Variants in CSMD3 observed in about 807,000 individuals in gnomAD.
The protein encoded by CSMD3 is CUB and Sushi multiple domains 3.
Under a neutral mutation model 435.2 loss-of-function variants are expected in CSMD3, and 177 were observed. The ratio of observed to expected loss-of-function variants is 0.41; its 90% CI spans 0.36 to 0.46. The LOEUF (loss-of-function observed/expected upper bound fraction) is 0.46, where lower values mean the gene tolerates loss of function less well. Among genes scored for constraint, CSMD3 ranks in the 20% least tolerant of loss-of-function variants. The probability of loss-of-function intolerance (pLI) is 0.34; values close to 1 mark genes in which losing one functional copy is unlikely to be tolerated. For missense variants in CSMD3, 4,265 were observed against 4,504.6 expected (o/e 0.95, Z 1.52); for synonymous variants, 1,656 against 1,520.5 (o/e 1.09, Z -2.07).
intron 32 of CSMD3, among the ~76,000 whole-genome samples, chr8:112,470,395 T>C (rs1019019360): frequency 1.3e-5 from 2 of 152,166 alleles, no homozygotes; most frequent in African/African-American, 2.4e-5. Context: ...TGTGACTTAC[T>C]ATGTTATTAC....
chr8:113,349,877 C>T (rs1259477446), intron 1 of CSMD3, among the ~76,000 whole-genome samples: 1 of 151,846 alleles, frequency 6.6e-6, no homozygotes, highest in African/African-American at 2.4e-5. Context: ...AATCTATTTC[C>T]CCTTCTTGAA....
intron 6 of CSMD3, among the ~76,000 whole-genome samples, chr8:112,996,133 T>C (rs1165649657): frequency 6.6e-6 from 1 of 151,464 alleles, no homozygotes; most frequent in African/African-American, 2.4e-5. Context: ...AAATCTACTT[T>C]CTTAGCAATT....
chr8:112,436,169 T>C (rs892587104), intron 32 of CSMD3, among the ~76,000 whole-genome samples: 3 of 151,866 alleles, frequency 2.0e-5, no homozygotes, highest in African/African-American at 7.2e-5. Flanking sequence ...ACCTAAGAAA[T>C]CTAAATTTTA....
At chr8:112,937,413 C>T (rs1014219483) in intron 9 of CSMD3, among the ~76,000 whole-genome samples, 12 of 149,084 alleles carry the variant, frequency 8.0e-5, no homozygotes, top group Admixed American at 3.4e-4. Context: ...TGCAGTGGCA[C>T]GATCTTGGCT....
intron 6 of CSMD3, among the ~76,000 whole-genome samples, chr8:113,008,954 A>T (rs1429320535): frequency 6.6e-6 from 1 of 151,522 alleles, no homozygotes; most frequent in Non-Finnish European, 1.5e-5. Flanking sequence ...AAGACTTAAT[A>T]TGAAAAATAA....
At chr8:112,255,174 A>C in intron 62 of CSMD3, 80 bp downstream of exon 62, 1 of 1,197,856 alleles carries the variant, frequency 8.3e-7, no homozygotes, top group Non-Finnish European at 1.2e-6. Context: ...ACTATAGGTT[A>C]TAGGATAAAG....
intron 4 of CSMD3, among the ~76,000 whole-genome samples, chr8:113,122,902 T>C (rs370302740): frequency 1.2e-4 from 19 of 152,150 alleles, no homozygotes; most frequent in Middle Eastern, 3.4e-3. Context: ...CTTAATTATT[T>C]TGAAATATTG....
At chr8:113,099,720 G>T (rs2090274897) in intron 4 of CSMD3, among the ~76,000 whole-genome samples, 1 of 152,028 alleles carries the variant, frequency 6.6e-6, no homozygotes, top group Non-Finnish European at 1.5e-5. Context: ...ACTTTTGGCT[G>T]ATGGTAGGAA....
intron 3 of CSMD3, among the ~76,000 whole-genome samples, chr8:113,278,192 T>C (rs907082391): frequency 6.6e-6 from 1 of 151,846 alleles, no homozygotes; most frequent in Non-Finnish European, 1.5e-5. Context: ...ATGTCAACTC[T>C]TGTCTCTTTC....
intron 31 of CSMD3, 50 bp downstream of exon 31, chr8:112,492,439 T>A (rs1820788950): frequency 7.0e-7 from 1 of 1,422,050 alleles, no homozygotes; most frequent in Non-Finnish European, 9.9e-7. Flanking sequence ...TTTAAATATT[T>A]TTTGATTTTT....
intron 22 of CSMD3, among the ~76,000 whole-genome samples, 183 bp downstream of exon 22, chr8:112,636,634 T>C (rs906891655): frequency 1.3e-5 from 2 of 152,082 alleles, no homozygotes; most frequent in African/African-American, 4.8e-5. Context: ...GCATGGTTTC[T>C]TGAATGGAGC....
intron 24 of CSMD3, among the ~76,000 whole-genome samples, chr8:112,571,846 G>A (rs2131293844): frequency 6.7e-6 from 1 of 149,614 alleles, no homozygotes; most frequent in Non-Finnish European, 1.5e-5. Flanking sequence ...TCCGGCCTGG[G>A]CAACAAGACT....
chr8:112,829,652 A>C (rs750098053), intron 12 of CSMD3, 34 bp downstream of exon 12: 7 of 1,248,786 alleles, frequency 5.6e-6, no homozygotes, highest in Non-Finnish European at 1.2e-6. Flanking sequence ...AGTACCCGAT[A>C]GGCTAAGGCA....
At chr8:112,264,017 T>C (rs561136560) in intron 60 of CSMD3, among the ~76,000 whole-genome samples, 76 of 152,268 alleles carry the variant, frequency 5.0e-4, no homozygotes, top group African/African-American at 1.4e-3. Flanking sequence ...CTTGGCAACA[T>C]AATGGCTACT....
rs773794441 is a variant in CSMD3 at position 112,318,834 on chromosome 8, T to C, written c.7360+3A>G. On this transcript the variant is annotated splice_donor_region_variant and intron_variant, in intron 47 of 70. Transcript: ENST00000297405. ...ATAAATAATCATAGGAACCATTGAA[T>C]ACCTTGACAAACTGGAGGTGCTCCA... 6.3e-7 allele frequency: 1 copy of C among 1,592,642 alleles called. No homozygotes were observed.
chr8:112,689,023 A>T (rs1792467820), intron 14 of CSMD3, among the ~76,000 whole-genome samples: 1 of 152,104 alleles, frequency 6.6e-6, no homozygotes, highest in Non-Finnish European at 1.5e-5. Context: ...TTGAAGTATT[A>T]CTAAGCTTTG....
At chr8:113,427,854 A>G (rs1348125349) in intron 1 of CSMD3, among the ~76,000 whole-genome samples, 1 of 151,618 alleles carries the variant, frequency 6.6e-6, no homozygotes, top group African/African-American at 2.4e-5. Context: ...AAGTAAAACA[A>G]TTTTATTTTT....
chr8:112,895,469 G>GA (rs2081924268), intron 10 of CSMD3, among the ~76,000 whole-genome samples: 1 of 151,128 alleles, frequency 6.6e-6, no homozygotes. Flanking sequence ...GGAAAAACAA[G>GA]AAAAATGATC....
rs1023419305 is a variant in CSMD3 at position 112,380,409 on chromosome 8, G to A, written c.6079C>T (p.Leu2027=). ...LLNSTSNNLY[L]NFQSDISVSA... ...ACACTGATGTCTGATTGAAAATTTAGATACAGATTATTAGACGTACTATTC... is the reference window on the plus strand; with the variant it reads ...ACACTGATGTCTGATTGAAAATTTAAATACAGATTATTAGACGTACTATTC... Residue 2027 remains leucine (L), a synonymous_variant, in exon 38 of 71, where the codon CTA becomes TTA. Transcript: ENST00000297405. 1 of 1,603,712 alleles carries A rather than the reference G, an allele frequency of 6.2e-7. No homozygotes were observed. The highest frequency in any genetic ancestry group is 1.1e-5 in the South Asian group (1 of 90,830).
Sources: allele counts gnomAD v4.1 joint callset (sites outside exome capture counted in the v4.1 genomes callset), GRCh38; gene constraint gnomAD v4.1.1; transcripts MANE v1.5; gene names NCBI Gene and HGNC (gene_info 2026-07-23, HGNC 2026-07-21).